Variants in KMT2C observed in about 807,000 individuals in gnomAD.
The protein encoded by KMT2C is lysine methyltransferase 2C, also known as histone-lysine N-methyltransferase 2C.
Under a neutral mutation model 507.9 loss-of-function variants are expected in KMT2C, and 88 were observed. That is an observed-to-expected ratio of 0.17 (90% confidence interval 0.15 to 0.21). The LOEUF (loss-of-function observed/expected upper bound fraction) is 0.21. Among genes scored for constraint, KMT2C ranks in the 10% least tolerant of loss-of-function variants. KMT2C has a pLI of 1.00. For synonymous variants in KMT2C, 2,049 were observed against 2,080.8 expected (o/e 0.98, Z 0.42); for missense variants, 4,954 against 5,957.8 (o/e 0.83, Z 5.55).
chr7:152,218,543 A>G (rs934079310), intron 23 of KMT2C, among the ~76,000 whole-genome samples: 1 of 152,170 alleles, frequency 6.6e-6, no homozygotes. Context: ...TCTACCTGTC[A>G]TAACTCTTGC....
At position 152,162,688 on chromosome 7, in the gene KMT2C, G is replaced by T; in HGVS notation, c.10889C>A (p.Thr3630Asn). 1 of 1,614,222 alleles carries T rather than the reference G, an allele frequency of 6.2e-7. No homozygotes were observed. The highest frequency in any genetic ancestry group is 8.5e-7 in the Non-Finnish European group (1 of 1,180,032). Residue 3630 changes from threonine to asparagine, a missense_variant, in exon 43 of 59, where the codon ACT becomes AAT. Physicochemically the swap from Thr to Asn is moderately conservative, Grantham distance 65. This residue lies in a region of KMT2C where 801 missense variants were observed against 751.2 expected (regional missense o/e 1.07). Transcript: ENST00000262189. ...KAPSTPHSDI[T>N]APPTPGISET... is the part of the protein sequence containing the mutation. ...TGAGATGCCTGGAGTCGGTGGGGCA[G>T]TTATATCTGAATGGGGAGTTGATGG...
rs1029390221 is a variant in KMT2C, at chr7:152,158,860, C to T, written c.11670+3G>A. The T allele has an allele frequency of 1.9e-6, 3 of 1,613,672 alleles. No individual in the cohort carries two copies. In the African/African-American group the frequency reaches 4.0e-5, roughly 22 times the overall value. On this transcript the variant is annotated splice_donor_region_variant and intron_variant, in intron 44 of 58. Transcript: ENST00000262189. ...GAGGCTGCTCTAAATGACTCACCCT[C>T]ACCTGTTTCAAGTGGGTAAACGTGT...
Position 152,362,385 on chromosome 7 carries a change from G to A in KMT2C, c.162-3710C>T, listed in dbSNP as rs1183998410. On this transcript the variant is annotated intron_variant, in intron 1 of 58. Coordinates refer to ENST00000262189, the MANE Select transcript of KMT2C (RefSeq NM_170606.3). ...GGGGGTAAGAAGGCATGAGGTCTAA[G>A]AATTTTTTTTTAATAGGATCACTTT... Among the ~76,000 whole-genome samples the A allele has an allele frequency of 4.6e-5, 7 of 152,054 alleles. No individual in the cohort carries two copies. The East Asian group carries it at 5.8e-4, about 13-fold the overall frequency.
intron 12 of KMT2C, 128 bp from the exon 13 acceptor site, chr7:152,250,081 G>T: frequency 1.7e-6 from 1 of 571,858 alleles, no homozygotes; most frequent in Non-Finnish European, 3.1e-6. Flanking sequence ...ATGAAACATT[G>T]TACCACTTAT....
At chr7:152,205,014 G>C (rs2094261524) in intron 25 of KMT2C, 92 bp downstream of exon 25, 1 of 756,730 alleles carries the variant, frequency 1.3e-6, no homozygotes, top group Admixed American at 2.9e-5. Flanking sequence ...CTTATTGACT[G>C]TAACATTATT....
At chr7:152,353,920 G>A (rs2097132979) in intron 2 of KMT2C, among the ~76,000 whole-genome samples, 1 of 152,172 alleles carries the variant, frequency 6.6e-6, no homozygotes, top group African/African-American at 2.4e-5. Context: ...AAACCTTGCA[G>A]CAAACTTGAA....
chr7:152,145,615 T>C (rs1011748754), intron 53 of KMT2C, among the ~76,000 whole-genome samples: 1 of 152,190 alleles, frequency 6.6e-6, no homozygotes, highest in Non-Finnish European at 1.5e-5. Context: ...AAACACACAA[T>C]ACCCACAAAC....
chr7:152,159,179 G>T (rs2092294129), intron 43 of KMT2C, 107 bp from the exon 44 acceptor site: 17 of 899,056 alleles, frequency 1.9e-5, no homozygotes, highest in Non-Finnish European at 2.8e-5. Context: ...GCACTAAAAG[G>T]TATTAAATAA....
intron 52 of KMT2C, among the ~76,000 whole-genome samples, chr7:152,147,768 C>A (rs1414764106): frequency 2.0e-5 from 3 of 148,068 alleles, no homozygotes; most frequent in Non-Finnish European, 4.5e-5. Flanking sequence ...ATGCAAATGA[C>A]AGGCAACCTT....
At chr7:152,224,260 A>G (rs2094861751) in intron 19 of KMT2C, 81 bp from the exon 20 acceptor site, 1 of 1,401,468 alleles carries the variant, frequency 7.1e-7, no homozygotes, top group African/African-American at 1.4e-5. Flanking sequence ...GCTACATACG[A>G]ACATAATGGG....
intron 6 of KMT2C, among the ~76,000 whole-genome samples, chr7:152,297,054 AC>A (rs1244669279): frequency 0.056 from 5,464 of 98,146 alleles, 294 homozygotes; most frequent in African/African-American, 0.15. Flanking sequence ...AGAAAGAAAG[AC>A]AGAGAGAGAG....
chr7:152,331,582 C>T (rs1318302351), intron 2 of KMT2C, among the ~76,000 whole-genome samples: 1 of 150,420 alleles, frequency 6.6e-6, no homozygotes, highest in Non-Finnish European at 1.5e-5. Context: ...GGACTCCAGC[C>T]TAAGCAACAC....
rs1185981122 is a variant in KMT2C, at chr7:152,163,699, C to T, written c.9878G>A (p.Gly3293Asp). The part of the protein sequence containing the change: ...SVQPQPPLIP[G>D]ATPPTMSQPT... ...TTGGCTCATGGTGGGTGGAGTGGCACCTGGAATTAGGGGTGGCTGGGGCTG... is the reference window on the plus strand; with the variant it reads ...TTGGCTCATGGTGGGTGGAGTGGCATCTGGAATTAGGGGTGGCTGGGGCTG... Residue 3293 changes from glycine to aspartate, a missense_variant, in exon 43 of 59, where the codon GGT becomes GAT. By Grantham distance (94) the Gly-to-Asp change is moderately conservative. This residue lies in a region of KMT2C where 801 missense variants were observed against 751.2 expected (regional missense o/e 1.07). Coordinates refer to ENST00000262189, the MANE Select transcript of KMT2C (RefSeq NM_170606.3). The T allele has an allele frequency of 1.7e-5, 28 of 1,613,998 alleles. No individual in the cohort carries two copies. Among genetic ancestry groups the T allele is most frequent in the Non-Finnish European group, 2.3e-5 (27 of 1,179,990 alleles).
rs771871602 is a variant in KMT2C, at chr7:152,358,616, G to T, written c.221C>A (p.Thr74Lys). 1 of 1,610,098 alleles carries T rather than the reference G, an allele frequency of 6.2e-7. No individual in the cohort carries two copies. The highest frequency in any genetic ancestry group is 8.5e-7 in the Non-Finnish European group (1 of 1,177,982). Residue 74 changes from threonine (T) to lysine (K), a missense_variant, in exon 2 of 59, where the codon ACA becomes AAA. Thr to Lys is a moderately conservative substitution (Grantham distance 78, BLOSUM62 -1). Around this residue, in one of 29 missense-constraint regions of KMT2C, gnomAD observed 233 missense variants for 263.6 expected, o/e 0.88. Transcript: ENST00000262189. ...EDEDSMDGLE[T>K]TETETIVETE... ...TTCCACAATCGTTTCTGTTTCTGTTGTCTCCAGCCCATCCATGCTGTCCTC... is the reference window on the plus strand; with the variant it reads ...TTCCACAATCGTTTCTGTTTCTGTTTTCTCCAGCCCATCCATGCTGTCCTC...
chr7:152,417,486 A>G (rs980872661), intron 1 of KMT2C, among the ~76,000 whole-genome samples: 5 of 152,192 alleles, frequency 3.3e-5, no homozygotes, highest in African/African-American at 1.2e-4. Flanking sequence ...AGATGTTATT[A>G]TCATCCCTAT....
intron 9 of KMT2C, among the ~76,000 whole-genome samples, chr7:152,255,895 A>C (rs1054749001): frequency 2.0e-5 from 3 of 152,146 alleles, no homozygotes; most frequent in Non-Finnish European, 4.4e-5. Flanking sequence ...CAAGCCATAC[A>C]TGGTGGCTCA....
At chr7:152,294,566 T>C (rs2096470128) in intron 6 of KMT2C, among the ~76,000 whole-genome samples, 1 of 151,608 alleles carries the variant, frequency 6.6e-6, no homozygotes. Context: ...AGTTGCAGTA[T>C]ACTATCATTA....
At chr7:152,216,261 G>C (rs4024351) in intron 23 of KMT2C, among the ~76,000 whole-genome samples, 2 of 152,180 alleles carry the variant, frequency 1.3e-5, no homozygotes, top group Admixed American at 1.3e-4. Context: ...TAGATCCCAG[G>C]AGGTGAATGA....
chr7:152,277,100 C>A (rs2096095401), intron 6 of KMT2C, among the ~76,000 whole-genome samples: 2 of 152,096 alleles, frequency 1.3e-5, no homozygotes, highest in African/African-American at 4.8e-5. Flanking sequence ...AAAGTTGTAT[C>A]ATAAAAAAAT....
Sources: gnomAD v4.1 joint callset for allele counts (sites outside exome capture counted in the v4.1 genomes callset) on GRCh38, gnomAD v4.1.1 for gene constraint, gnomAD v4.1.1 regional missense constraint, MANE v1.5 for transcripts, NCBI Gene and HGNC (gene_info 2026-07-23, HGNC 2026-07-21) for gene names.